The following CLTCL1 variants were observed in gnomAD, a reference collection of about 807,000 sequenced individuals.
The protein encoded by CLTCL1 is clathrin heavy chain 2.
Under a neutral mutation model 190.0 loss-of-function variants are expected in CLTCL1, and 159 were observed. The observed-to-expected ratio is 0.84, with a 90% CI of 0.74 to 0.95. The LOEUF is 0.95. CLTCL1 is among the 40% of genes least tolerant of loss of function. The probability of loss-of-function intolerance (pLI) is 0.00; values close to 1 mark genes in which losing one functional copy is unlikely to be tolerated. For synonymous variants in CLTCL1, 752 were observed against 769.6 expected (o/e 0.98, Z 0.38); for missense variants, 1,878 against 2,033.4 (o/e 0.92, Z 1.47).
At chr22:19,187,849 C>G in intron 28 of CLTCL1, 121 bp from the exon 29 acceptor site, 1 of 1,332,420 alleles carries the variant, frequency 7.5e-7, no homozygotes, top group Non-Finnish European at 1.1e-6. Flanking sequence ...AGGCCCCTGC[C>G]CATATATCCA....
intron 2 of CLTCL1, chr22:19,258,754 T>C: frequency 2.9e-6 from 2 of 694,552 alleles, no homozygotes; most frequent in East Asian, 5.5e-5. Flanking sequence ...TGCAGGATAG[T>C]GGACGGCAAA....
rs1163032341 is a variant in CLTCL1, at chr22:19,223,353, C to T, written c.2292+538G>A. ...GAACGTGAATCCAAGTGTCATCTGCCACTTGCAGGCCTCGCCCATAAAAAC... is the reference window on the plus strand; with the variant it reads ...GAACGTGAATCCAAGTGTCATCTGCTACTTGCAGGCCTCGCCCATAAAAAC... On this transcript the variant is annotated intron_variant, in intron 14 of 32. Transcript: ENST00000427926. 2.1e-5 allele frequency among the ~76,000 whole-genome samples: 3 copies of T among 142,304 alleles called. No homozygotes were observed. In the East Asian group the frequency reaches 6.1e-4, roughly 29 times the overall value. The allele number at this position is 142,304 out of a possible 152,430, so 93.4% of individuals were successfully genotyped here. A position where few individuals can be genotyped will look rare whatever the true frequency, so the allele number is the denominator to read the frequency against.
chr22:19,188,041 G>A lies in CLTCL1; in HGVS notation c.4374C>T (p.His1458=). ...VKPYLRSVQS[H]NNKSVNEALN... Reference sequence around the variant, plus strand: ...GTGCCTCATTCACACTCTTGTTGTTGTGGCTCTGGACTGACCGCAGGTAAG... The same window carrying A: ...GTGCCTCATTCACACTCTTGTTGTTATGGCTCTGGACTGACCGCAGGTAAG... The change falls in exon 28 of 33, where the codon CAC becomes CAT. Residue 1458 remains histidine (H), a synonymous_variant. Coordinates refer to ENST00000427926, the MANE Select transcript of CLTCL1 (RefSeq NM_007098.4). The A allele has an allele frequency of 6.2e-7, 1 of 1,614,050 alleles. No individual in the cohort carries two copies. Among genetic ancestry groups the A allele is most frequent in the Non-Finnish European group, 8.5e-7 (1 of 1,179,906 alleles).
At chr22:19,247,171 T>A (rs1006411089) in intron 3 of CLTCL1, among the ~76,000 whole-genome samples, 2 of 152,232 alleles carry the variant, frequency 1.3e-5, no homozygotes, top group Non-Finnish European at 2.9e-5. Context: ...TTTATTTTTG[T>A]ACATGGTGTG....
At chr22:19,224,644 A>G (rs2085682563) in intron 13 of CLTCL1, among the ~76,000 whole-genome samples, 1 of 152,128 alleles carries the variant, frequency 6.6e-6, no homozygotes, top group South Asian at 2.1e-4. Flanking sequence ...TAACTGTGAG[A>G]CCCTGATGCT....
At chr22:19,187,783 A>C in intron 28 of CLTCL1, 55 bp from the exon 29 acceptor site, 1 of 1,565,224 alleles carries the variant, frequency 6.4e-7, no homozygotes, top group Non-Finnish European at 8.8e-7. Context: ...CTGCCTACAC[A>C]TGGAGCAGGC....
chr22:19,266,893 T>G (rs755108703), intron 2 of CLTCL1, among the ~76,000 whole-genome samples: 14 of 152,340 alleles, frequency 9.2e-5, no homozygotes, highest in Middle Eastern at 3.4e-3. Flanking sequence ...CAACATCATA[T>G]TTAATTGTAA....
intron 1 of CLTCL1, among the ~76,000 whole-genome samples, chr22:19,282,246 T>G (rs2087741951): frequency 6.6e-6 from 1 of 150,914 alleles, no homozygotes; most frequent in Non-Finnish European, 1.5e-5. Flanking sequence ...GGAGAATTGC[T>G]TCAACCCAGG....
intron 8 of CLTCL1, 28 bp from the exon 9 acceptor site, chr22:19,233,346 G>A: frequency 1.2e-6 from 2 of 1,610,668 alleles, no homozygotes; most frequent in Non-Finnish European, 1.7e-6. Context: ...ACAAGGCAAA[G>A]TTAGGAGGCA....
In CLTCL1 at chr22:19,257,350, C is replaced by A. The variant is rs369264138; in HGVS notation, c.251-3123G>T. Among the ~76,000 whole-genome samples, 14 of 152,258 alleles carry A rather than the reference C, an allele frequency of 9.2e-5. No individual in the cohort carries two copies. The East Asian group carries it at 9.6e-4, about 10-fold the overall frequency. Reference sequence around the variant, plus strand: ...CCATTCAATGAGAAAAAAGAATACTCTTTTCAACAAATAATACTGGGAAAA... The same window carrying A: ...CCATTCAATGAGAAAAAAGAATACTATTTTCAACAAATAATACTGGGAAAA... On this transcript the variant is annotated intron_variant, in intron 2 of 32. Coordinates refer to ENST00000427926, the MANE Select transcript of CLTCL1 (RefSeq NM_007098.4).
At chr22:19,231,417 G>T (rs1426102395) in intron 10 of CLTCL1, among the ~76,000 whole-genome samples, 5 of 152,052 alleles carry the variant, frequency 3.3e-5, no homozygotes, top group African/African-American at 1.2e-4. Flanking sequence ...TGTAGAGATG[G>T]GGGTCTCACT....
rs1216998171 is a variant in CLTCL1, at chr22:19,254,240, A to T, written c.251-13T>A. Reference sequence around the variant, plus strand: ...AGTGTCTTCCCAGCTAGTATTTGATATAATAGAGATTAGAGAAAGACAAAT... The same window carrying T: ...AGTGTCTTCCCAGCTAGTATTTGATTTAATAGAGATTAGAGAAAGACAAAT... On this transcript the variant is annotated splice_polypyrimidine_tract_variant and intron_variant, in intron 2 of 32. Coordinates refer to ENST00000427926, the MANE Select transcript of CLTCL1 (RefSeq NM_007098.4). 2 of 1,593,320 alleles carry T rather than the reference A, an allele frequency of 1.3e-6. No individual in the cohort carries two copies. Among genetic ancestry groups the T allele is most frequent in the Admixed American group, 3.4e-5 (2 of 58,818 alleles).
At chr22:19,281,713 T>C (rs1347069058) in intron 1 of CLTCL1, among the ~76,000 whole-genome samples, 1 of 152,204 alleles carries the variant, frequency 6.6e-6, no homozygotes, top group Non-Finnish European at 1.5e-5. Flanking sequence ...GTCCTTTTGT[T>C]CTCAGTTTGG....
At chr22:19,242,707 C>T in intron 4 of CLTCL1, 68 bp downstream of exon 4, 1 of 1,566,388 alleles carries the variant, frequency 6.4e-7, no homozygotes, top group Non-Finnish European at 8.8e-7. Flanking sequence ...CCCAGCCACA[C>T]ACACGCACAC....
Position 19,239,384 on chromosome 22 carries a change from T to C in CLTCL1, c.686A>G (p.His229Arg), listed in dbSNP as rs201776387. 5.0e-5 allele frequency: 81 copies of C among 1,613,048 alleles called. No homozygotes were observed. The highest frequency in any genetic ancestry group is 6.4e-5 in the Non-Finnish European group (76 of 1,179,016). ...TGCAGGCTGTCCAACTTCAATGATG[T>C]GCAACTAGAAGAGAGATTTTAGGTC... is the stretch of plus-strand genomic sequence containing the variant. ...AVRNPTGGKL[H>R]IIEVGQPAAG... Residue 229 changes from histidine (H) to arginine (R), a missense_variant, in exon 5 of 33, where the codon CAC (histidine) becomes CGC (arginine). Transcript: ENST00000427926.
rs1056148339 is a variant in CLTCL1 at position 19,219,887 on chromosome 22, G to T, written c.2917C>A (p.Gln973Lys). 32 of 1,613,922 alleles carry T rather than the reference G, an allele frequency of 2.0e-5. No individual in the cohort carries two copies. Among genetic ancestry groups the T allele is most frequent in the Admixed American group, 5.0e-5 (3 of 60,010 alleles). Residue 973 changes from glutamine (Q) to lysine (K), a missense_variant and splice_region_variant, in exon 18 of 33, where the codon CAG (glutamine) becomes AAG (lysine). Coordinates refer to ENST00000427926, the MANE Select transcript of CLTCL1 (RefSeq NM_007098.4). The stretch of plus-strand genomic sequence containing the variant: ...ACATACCCATCTCTGTGCCTCACCT[G>T]GTCAATTAGCTGTCTCCTGGATGGG... ...TNPSRRQLID[Q>K]VVQTALSETR... is the part of the protein sequence containing the mutation.
chr22:19,243,176 A>T (rs1388760007), intron 3 of CLTCL1, among the ~76,000 whole-genome samples: 1 of 152,194 alleles, frequency 6.6e-6, no homozygotes, highest in Non-Finnish European at 1.5e-5. Context: ...CTAATTTGTT[A>T]AATATAGTAA....
chr22:19,213,698 G>A (rs1355486015), intron 19 of CLTCL1, among the ~76,000 whole-genome samples: 2 of 152,154 alleles, frequency 1.3e-5, no homozygotes, highest in Non-Finnish European at 2.9e-5. Context: ...TCTATACCAC[G>A]TGACTCCATT....
chr22:19,231,563 G>T (rs2085919315), intron 10 of CLTCL1, among the ~76,000 whole-genome samples: 2 of 152,160 alleles, frequency 1.3e-5, no homozygotes, highest in African/African-American at 4.8e-5. Flanking sequence ...GCACAACTGG[G>T]AAAATGCAAA....
Sources: gnomAD v4.1 joint callset for allele counts (sites outside exome capture counted in the v4.1 genomes callset) on GRCh38, gnomAD v4.1.1 for gene constraint, MANE v1.5 for transcripts, NCBI Gene and HGNC (gene_info 2026-07-23, HGNC 2026-07-21) for gene names.